The following CCDC148 variants were observed in gnomAD, a reference collection of about 807,000 sequenced individuals.
CCDC148 encodes the protein coiled-coil domain containing 148, also known as coiled-coil domain-containing protein 148.
A neutral mutation model predicts 85.7 loss-of-function variants in CCDC148; 89 were observed. That is an observed-to-expected ratio of 1.04 (90% confidence interval 0.87 to 1.24). The LOEUF is 1.24. Among genes scored for constraint, CCDC148 ranks in the 50% most tolerant of loss-of-function variants. The pLI is 0.00. For missense variants in CCDC148, 692 were observed against 671.7 expected, an observed-to-expected ratio of 1.03 and a Z score of -0.33; for synonymous variants, 230 against 213.9, an observed-to-expected ratio of 1.08 and a Z score of -0.66.
chr2:158,325,228 G>T (rs1692715200), intron 7 of CCDC148, among the ~76,000 whole-genome samples: 1 of 151,916 alleles, frequency 6.6e-6, no homozygotes, highest in African/African-American at 2.4e-5. Flanking sequence ...ATTCCATCAG[G>T]CATTTGCTTC....
At chr2:158,280,455 A>G (rs1435575959) in intron 9 of CCDC148, among the ~76,000 whole-genome samples, 1 of 152,194 alleles carries the variant, frequency 6.6e-6, no homozygotes, top group Non-Finnish European at 1.5e-5. Context: ...ATGGAAAACA[A>G]AAAAAGGCAG....
chr2:158,240,975 G>C (rs776174517), intron 10 of CCDC148, among the ~76,000 whole-genome samples: 2 of 152,192 alleles, frequency 1.3e-5, no homozygotes, highest in Non-Finnish European at 2.9e-5. Flanking sequence ...GAAGCAGTCA[G>C]ACCAGCATGG....
At chr2:158,435,352 C>G (rs917425306) in intron 1 of CCDC148, among the ~76,000 whole-genome samples, 2 of 152,130 alleles carry the variant, frequency 1.3e-5, no homozygotes, top group Non-Finnish European at 2.9e-5. Flanking sequence ...AATTTTCAAC[C>G]CAGAATTTCA....
intron 11 of CCDC148, among the ~76,000 whole-genome samples, chr2:158,210,453 C>A (rs887464439): frequency 6.6e-6 from 1 of 152,076 alleles, no homozygotes; most frequent in Non-Finnish European, 1.5e-5. Flanking sequence ...AGCTCTGGAT[C>A]AAGCAGACCT....
At chr2:158,431,508 A>T (rs1687351150) in intron 1 of CCDC148, among the ~76,000 whole-genome samples, 1 of 151,874 alleles carries the variant, frequency 6.6e-6, no homozygotes, top group South Asian at 2.1e-4. Flanking sequence ...AAAACCTGTC[A>T]ATTTATAATC....
At chr2:158,451,935 G>T (rs190033762) in intron 1 of CCDC148, among the ~76,000 whole-genome samples, 1 of 152,234 alleles carries the variant, frequency 6.6e-6, no homozygotes, top group Admixed American at 6.5e-5. Context: ...ACAAGGAAAA[G>T]AATGGAGTAG....
At chr2:158,454,674 T>C (rs1321500860) in intron 1 of CCDC148, among the ~76,000 whole-genome samples, 12 of 152,220 alleles carry the variant, frequency 7.9e-5, no homozygotes, top group Non-Finnish European at 1.5e-4. Flanking sequence ...GTGTTCCAGA[T>C]AATCATCCTC....
chr2:158,325,148 T>G (rs1574623453), intron 7 of CCDC148, among the ~76,000 whole-genome samples: 2 of 152,134 alleles, frequency 1.3e-5, no homozygotes, highest in East Asian at 3.9e-4. Context: ...TACTCTCCTT[T>G]GCAGAAAAAC....
Position 158,228,371 on chromosome 2 carries a change from T to C in CCDC148, c.1252-7658A>G, listed in dbSNP as rs1455491417. Among the ~76,000 whole-genome samples the C allele has an allele frequency of 2.0e-5, 3 of 152,152 alleles. No homozygotes were observed. The East Asian group carries it at 5.8e-4, about 29-fold the overall frequency. On this transcript the variant is annotated intron_variant, in intron 10 of 13. Coordinates refer to ENST00000283233, the MANE Select transcript of CCDC148 (RefSeq NM_138803.4). ...TTACACTGTTGGTGGGACTGTAAACTAGTTCACCCATTATGGAAGTCAGTG... is the reference window on the plus strand; with the variant it reads ...TTACACTGTTGGTGGGACTGTAAACCAGTTCACCCATTATGGAAGTCAGTG...
chr2:158,423,575 T>C (rs1340008458), intron 1 of CCDC148, among the ~76,000 whole-genome samples: 3 of 152,128 alleles, frequency 2.0e-5, no homozygotes, highest in African/African-American at 4.8e-5. Context: ...TCAAGATGGA[T>C]TAAAGACTTA....
At chr2:158,346,219 G>A (rs1264044707) in intron 2 of CCDC148, among the ~76,000 whole-genome samples, 1 of 152,104 alleles carries the variant, frequency 6.6e-6, no homozygotes, top group Non-Finnish European at 1.5e-5. Flanking sequence ...CTATCAGTTG[G>A]CTTCAGCCAA....
intron 7 of CCDC148, among the ~76,000 whole-genome samples, chr2:158,328,087 C>T (rs1199649637): frequency 6.6e-6 from 1 of 151,816 alleles, no homozygotes; most frequent in Non-Finnish European, 1.5e-5. Flanking sequence ...TGTATGTATA[C>T]ATGTGCAATG....
At chr2:158,279,562 G>T (rs1690155453) in intron 9 of CCDC148, among the ~76,000 whole-genome samples, 1 of 151,988 alleles carries the variant, frequency 6.6e-6, no homozygotes, top group Non-Finnish European at 1.5e-5. Flanking sequence ...GAAGTGAGAA[G>T]GTAAGTTTAG....
intron 10 of CCDC148, among the ~76,000 whole-genome samples, chr2:158,248,303 T>TTCTCTC (rs1409387410): frequency 5.3e-5 from 8 of 152,160 alleles, no homozygotes; most frequent in African/African-American, 1.9e-4. Context: ...ATCTGTAATA[T>TTCTCTC]TCTCTCCTTT....
chr2:158,437,736 C>G (rs1035192932), intron 1 of CCDC148, among the ~76,000 whole-genome samples: 13 of 152,190 alleles, frequency 8.5e-5, no homozygotes, highest in Non-Finnish European at 1.5e-4. Flanking sequence ...ACCCCATCGT[C>G]TCAGCCCAAA....
intron 1 of CCDC148, among the ~76,000 whole-genome samples, chr2:158,411,080 T>C (rs1184112881): frequency 6.6e-6 from 1 of 152,178 alleles, no homozygotes; most frequent in Non-Finnish European, 1.5e-5. Context: ...CTTATGGAGT[T>C]CTCTTATATG....
chr2:158,234,433 C>A (rs1688003680), intron 10 of CCDC148, among the ~76,000 whole-genome samples: 1 of 152,138 alleles, frequency 6.6e-6, no homozygotes, highest in Non-Finnish European at 1.5e-5. Flanking sequence ...AGGTGATAAA[C>A]AAGCTCATTT....
At chr2:158,336,528 C>G (rs1203857365) in intron 7 of CCDC148, among the ~76,000 whole-genome samples, 1 of 152,224 alleles carries the variant, frequency 6.6e-6, no homozygotes, top group South Asian at 2.1e-4. Flanking sequence ...TCTGTTGAAC[C>G]CCCTACCAGG....
At chr2:158,390,744 C>T (rs1175470656) in intron 1 of CCDC148, among the ~76,000 whole-genome samples, 3 of 152,250 alleles carry the variant, frequency 2.0e-5, no homozygotes, top group South Asian at 2.1e-4. Flanking sequence ...TCTAGCCTTT[C>T]CTTGGTGTCT....
Sources: allele counts gnomAD v4.1 joint callset (sites outside exome capture counted in the v4.1 genomes callset), GRCh38; gene constraint gnomAD v4.1.1; transcripts MANE v1.5; gene names NCBI Gene and HGNC (gene_info 2026-07-23, HGNC 2026-07-21).